The following PJA2 variants were observed in gnomAD, a reference collection of about 807,000 sequenced individuals.
PJA2 encodes praja ring finger ubiquitin ligase 2, also known as E3 ubiquitin-protein ligase Praja-2.
A neutral mutation model predicts 69.3 loss-of-function variants in PJA2; 25 were observed. The ratio of observed to expected loss-of-function variants is 0.36; its 90% CI spans 0.26 to 0.50. The LOEUF (loss-of-function observed/expected upper bound fraction) is 0.50, where lower values mean the gene tolerates loss of function less well. PJA2 is among the 20% of genes least tolerant of loss of function. The pLI is 0.96. For missense variants in PJA2, 809 were observed against 830.2 expected (o/e 0.97, Z 0.31); for synonymous variants, 308 against 277.8 (o/e 1.11, Z -1.08).
intron 4 of PJA2, among the ~76,000 whole-genome samples, chr5:109,375,129 G>A (rs1746832170): frequency 1.3e-5 from 2 of 152,206 alleles, no homozygotes; most frequent in South Asian, 2.1e-4. Context: ...TTTCAGGGAA[G>A]AAGGCAATCA....
intron 1 of PJA2, among the ~76,000 whole-genome samples, chr5:109,389,324 TAGACACAGAACAACTC>T (rs1223575838): frequency 2.6e-5 from 4 of 152,124 alleles, no homozygotes; most frequent in Non-Finnish European, 5.9e-5. Context: ...ACTACCTTAA[TAGACACAGAACAACTC>T]AGATTTTCTA....
intron 7 of PJA2, among the ~76,000 whole-genome samples, chr5:109,347,428 C>A (rs747411017): frequency 3.9e-5 from 6 of 152,242 alleles, no homozygotes; most frequent in Non-Finnish European, 7.3e-5. Context: ...CAGCATCAGA[C>A]TCCTCCAGTG....
chr5:109,348,753 G>A (rs1358043397), intron 7 of PJA2, among the ~76,000 whole-genome samples: 1 of 152,216 alleles, frequency 6.6e-6, no homozygotes, highest in Non-Finnish European at 1.5e-5. Flanking sequence ...AGCTGAGTGA[G>A]CTTCTGGCTG....
chr5:109,389,780 T>G (rs1385720189), intron 1 of PJA2, among the ~76,000 whole-genome samples: 1 of 152,042 alleles, frequency 6.6e-6, no homozygotes, highest in African/African-American at 2.4e-5. Flanking sequence ...ATTCCAAAAG[T>G]TCTGATACGT....
chr5:109,336,899 T>C lies in PJA2; in HGVS notation c.*332A>G, dbSNP rs751130449. ...ACAGGACAGCTTAATTATAATCACT[T>C]AGTGGCAGTATTACAGACAAAGCCA... On this transcript the variant is annotated 3_prime_UTR_variant, in exon 10 of 10. Coordinates refer to ENST00000361189, the MANE Select transcript of PJA2 (RefSeq NM_014819.5). 1 of 159,832 alleles carries C rather than the reference T, an allele frequency of 6.3e-6. No homozygotes were observed. Among genetic ancestry groups the C allele is most frequent in the East Asian group, 1.8e-4 (1 of 5,432 alleles). The allele number at this position is 159,832 out of a possible 1,614,324, so 9.9% of individuals were successfully genotyped here.
intron 9 of PJA2, among the ~76,000 whole-genome samples, chr5:109,342,964 TGAG>T (rs1762104500): frequency 1.3e-5 from 1 of 78,832 alleles, no homozygotes; most frequent in Admixed American, 1.1e-4. Context: ...TACTGGGAGG[TGAG>T]GAGCCCCTCT....
intron 6 of PJA2, among the ~76,000 whole-genome samples, chr5:109,359,612 T>A (rs573073031): frequency 6.6e-6 from 1 of 152,246 alleles, no homozygotes; most frequent in South Asian, 2.1e-4. Context: ...AGGGACATTC[T>A]AAAAAATAAA....
intron 7 of PJA2, among the ~76,000 whole-genome samples, chr5:109,354,044 GATTA>G (rs1183826800): frequency 0.028 from 3,997 of 142,606 alleles, 324 homozygotes; most frequent in African/African-American, 0.045. Context: ...GATATCTATA[GATTA>G]GATATCTATG....
At chr5:109,376,430 G>C (rs1746889714) in intron 4 of PJA2, among the ~76,000 whole-genome samples, 1 of 151,828 alleles carries the variant, frequency 6.6e-6, no homozygotes, top group Non-Finnish European at 1.5e-5. Context: ...CCAAAACAAA[G>C]AAAATCAATT....
intron 6 of PJA2, among the ~76,000 whole-genome samples, chr5:109,360,931 C>T (rs1458147008): frequency 6.6e-6 from 1 of 152,104 alleles, no homozygotes; most frequent in African/African-American, 2.4e-5. Flanking sequence ...AATTCGAGAC[C>T]AGCCCGGGCA....
intron 6 of PJA2, among the ~76,000 whole-genome samples, chr5:109,361,736 A>C (rs971718183): frequency 1.3e-5 from 2 of 152,226 alleles, no homozygotes; most frequent in Non-Finnish European, 2.9e-5. Context: ...AGAATGTTTA[A>C]GGTAGAAATA....
chr5:109,370,696 G>C (rs562389205), intron 4 of PJA2, among the ~76,000 whole-genome samples: 14 of 152,228 alleles, frequency 9.2e-5, no homozygotes, highest in African/African-American at 2.9e-4. Context: ...AGTTTTAAAG[G>C]AGCTTATTGA....
intron 6 of PJA2, among the ~76,000 whole-genome samples, chr5:109,358,681 A>G (rs1476761288): frequency 1.3e-5 from 2 of 152,138 alleles, no homozygotes; most frequent in South Asian, 2.1e-4. Context: ...TTAGCCAGGC[A>G]TTGGTAGCTC....
chr5:109,397,062 C>T (rs1463218335), intron 1 of PJA2, among the ~76,000 whole-genome samples: 1 of 152,000 alleles, frequency 6.6e-6, no homozygotes, highest in Admixed American at 6.6e-5. Context: ...TGGACTAGTA[C>T]CTTATAAAAG....
At chr5:109,365,172 T>C (rs1485413487) in intron 5 of PJA2, among the ~76,000 whole-genome samples, 1 of 152,220 alleles carries the variant, frequency 6.6e-6, no homozygotes, top group African/African-American at 2.4e-5. Context: ...TTTTATTTTT[T>C]CTTCAGCATT....
intron 1 of PJA2, among the ~76,000 whole-genome samples, chr5:109,389,904 ATTT>A (rs56405345): frequency 1.4e-5 from 2 of 143,492 alleles, no homozygotes; most frequent in African/African-American, 2.5e-5. Context: ...TTTGCAGTCT[ATTT>A]TTTTTTTTTT....
intron 1 of PJA2, among the ~76,000 whole-genome samples, chr5:109,388,350 C>G (rs886786747): frequency 2.0e-5 from 3 of 152,138 alleles, no homozygotes; most frequent in Non-Finnish European, 4.4e-5. Flanking sequence ...GCAGTCCCAG[C>G]CTACATTTGA....
chr5:109,396,988 C>T (rs993615047), intron 1 of PJA2, among the ~76,000 whole-genome samples: 2 of 152,140 alleles, frequency 1.3e-5, no homozygotes, highest in African/African-American at 2.4e-5. Flanking sequence ...ATCCACATTG[C>T]GGTGGTATTA....
chr5:109,347,593 T>C (rs1213175947), intron 7 of PJA2, among the ~76,000 whole-genome samples: 1 of 152,238 alleles, frequency 6.6e-6, no homozygotes, highest in Non-Finnish European at 1.5e-5. Flanking sequence ...ACTGTGAAGT[T>C]TCTCTTGCCC....
Sources: allele counts gnomAD v4.1 joint callset (sites outside exome capture counted in the v4.1 genomes callset), GRCh38; gene constraint gnomAD v4.1.1; transcripts MANE v1.5; gene names NCBI Gene and HGNC (gene_info 2026-07-23, HGNC 2026-07-21).